SCNN1A: variants seen among roughly 807,000 people sequenced by gnomAD.
SCNN1A encodes epithelial sodium channel subunit alpha.
Under a neutral mutation model 68.6 loss-of-function variants are expected in SCNN1A, and 65 were observed. That is an observed-to-expected ratio of 0.95 (90% CI 0.78 to 1.16). The LOEUF is 1.16. Ranked by LOEUF, SCNN1A falls within the 50% of genes most tolerant of loss-of-function variation. SCNN1A has a pLI of 0.00. For synonymous variants in SCNN1A, 357 were observed against 353.3 expected, an observed-to-expected ratio of 1.01 and a Z score of -0.12; for missense variants, 880 against 865.9, an observed-to-expected ratio of 1.02 and a Z score of -0.20.
At chr12:6,349,828 A>G (rs72657568) in intron 8 of SCNN1A, 2,641 of 192,110 alleles carry the variant, frequency 0.014, 74 homozygotes, top group African/African-American at 0.057. Flanking sequence ...CCGGGTTCAT[A>G]CCATTCTCCT....
chr12:6,375,630 A>G, upstream of SCNN1A: 1 of 1,493,360 alleles, frequency 6.7e-7, no homozygotes, highest in Non-Finnish European at 8.9e-7. Flanking sequence ...AGGAGGAGTC[A>G]GAGCCGGGAG....
At chr12:6,375,605 C>CG, upstream of SCNN1A, 2 of 1,473,922 alleles carry the variant, frequency 1.4e-6, no homozygotes, top group African/African-American at 1.4e-5. Flanking sequence ...GTGAGCAGGG[C>CG]GGGGGGAGGG....
intron 8 of SCNN1A, 117 bp from the exon 9 acceptor site, chr12:6,349,522 AT>A: frequency 2.7e-6 from 2 of 751,452 alleles, no homozygotes; most frequent in Non-Finnish European, 2.4e-6. Context: ...ATTTAGCATT[AT>A]AATGATGCCT....
At chr12:6,350,978 C>T (rs377101980) in intron 8 of SCNN1A, among the ~76,000 whole-genome samples, 1 of 152,176 alleles carries the variant, frequency 6.6e-6, no homozygotes, top group Non-Finnish European at 1.5e-5. Context: ...CGGAAAACAG[C>T]CTGGCAGCTC....
chr12:6,360,889 G>C (rs1380476123), intron 4 of SCNN1A, among the ~76,000 whole-genome samples: 1 of 152,234 alleles, frequency 6.6e-6, no homozygotes, highest in East Asian at 1.9e-4. Context: ...TACCCGAGGG[G>C]TAGTGGGGTG....
At chr12:6,358,738 T>TA (rs1166424899) in intron 4 of SCNN1A, among the ~76,000 whole-genome samples, 1 of 151,856 alleles carries the variant, frequency 6.6e-6, no homozygotes, top group African/African-American at 2.4e-5. Flanking sequence ...CATGAGCCTG[T>TA]AGTCCCAGCT....
At chr12:6,371,640 T>A (rs1592085134) in intron 2 of SCNN1A, among the ~76,000 whole-genome samples, 2 of 151,806 alleles carry the variant, frequency 1.3e-5, no homozygotes, top group South Asian at 4.2e-4. Flanking sequence ...GTTGAGGCAG[T>A]TACTTAACTC....
intron 2 of SCNN1A, among the ~76,000 whole-genome samples, chr12:6,364,611 A>C (rs959431397): frequency 1.3e-5 from 2 of 151,838 alleles, no homozygotes; most frequent in African/African-American, 4.8e-5. Context: ...AAATACAAAA[A>C]ATTAGCCGGG....
chr12:6,354,192 C>T lies in SCNN1A; in HGVS notation c.1360+246G>A, dbSNP rs556951571. Among the ~76,000 whole-genome samples the T allele has an allele frequency of 1.5e-3, 229 of 152,054 alleles. 1 individual carries two copies. Among genetic ancestry groups the T allele is most frequent in the Non-Finnish European group, 2.1e-3 (146 of 67,996 alleles). ...CTTGCAGTGAGCCGAGATCGCGCCA[C>T]TGCTCTCCAGCCTGGGTGACAGAGC... On this transcript the variant is annotated intron_variant, in intron 8 of 12. Coordinates refer to ENST00000228916, the MANE Select transcript of SCNN1A (RefSeq NM_001038.6).
rs1320943351 is a variant in SCNN1A at position 6,372,585 on chromosome 12, T to C, written c.416+1783A>G. ...CCCGCATCCAGCAGAACCTAAGAAC[T>C]GTGCAGGCCTCACCCGATTCACCCC... On this transcript the variant is annotated intron_variant, in intron 2 of 12. Coordinates refer to ENST00000228916, the MANE Select transcript of SCNN1A (RefSeq NM_001038.6). The surrounding 1 kb of genome is among the most constrained non-coding windows in gnomAD (Gnocchi z 5.8). Among the ~76,000 whole-genome samples the C allele has an allele frequency of 6.6e-6, 1 of 152,194 alleles. No individual in the cohort carries two copies. Among genetic ancestry groups the C allele is most frequent in the Non-Finnish European group, 1.5e-5 (1 of 68,038 alleles).
chr12:6,374,762 C>G lies in SCNN1A; in HGVS notation c.22G>C (p.Glu8Gln). 6.2e-7 allele frequency: 1 copy of G among 1,614,088 alleles called. No homozygotes were observed. The highest frequency in any genetic ancestry group is 8.5e-7 in the Non-Finnish European group (1 of 1,180,006). The change falls in exon 2 of 13, where the codon GAG becomes CAG. Residue 8 changes from glutamate (E) to glutamine (Q), a missense_variant. Physicochemically the swap from Glu to Gln is conservative, Grantham distance 29. Coordinates refer to ENST00000228916, the MANE Select transcript of SCNN1A (RefSeq NM_001038.6). This position sits in a 1 kb window ranked among gnomAD's most constrained non-coding sequence, Gnocchi z 6.2. MEGNKLE[E>Q]QDSSPPQSTP... ...GACTGTGGAGGGCTAGAGTCCTGCTCCTCCAGCTTGTTCCCCTCCATGAGA... is the reference window on the plus strand; with the variant it reads ...GACTGTGGAGGGCTAGAGTCCTGCTGCTCCAGCTTGTTCCCCTCCATGAGA...
In SCNN1A at chr12:6,362,179, C is replaced by A. The variant is rs1157445534; in HGVS notation, c.747G>T (p.Arg249Ser). Residue 249 changes from arginine (R) to serine (S), a missense_variant, in exon 4 of 13, where the codon AGG becomes AGT. Transcript: ENST00000228916. Reference sequence around the variant, plus strand: ...TGATGTAGTGGAAGCGGTACCACTCCCTCACCGCATCCACCCCTGATGAGT... The same window carrying A: ...TGATGTAGTGGAAGCGGTACCACTCACTCACCGCATCCACCCCTGATGAGT... ...QTYSSGVDAVREWYRFHYINI... is the reference protein window; with the variant it reads ...QTYSSGVDAVSEWYRFHYINI... 1 of 1,613,992 alleles carries A rather than the reference C, an allele frequency of 6.2e-7. No homozygotes were observed.
At chr12:6,356,238 A>T in intron 4 of SCNN1A, 1 of 345,636 alleles carries the variant, frequency 2.9e-6, no homozygotes, top group Non-Finnish European at 5.6e-6. Context: ...CTGCCTTGTA[A>T]CTTCTCTCTT....
At chr12:6,355,559 A>G in intron 5 of SCNN1A, 124 bp from the exon 6 acceptor site, 9 of 1,251,490 alleles carry the variant, frequency 7.2e-6, no homozygotes, top group Non-Finnish European at 1.0e-5. Context: ...GTTCAGGAAG[A>G]CCCGCAAAGG....
chr12:6,370,091 C>T (rs1565485837), intron 2 of SCNN1A, among the ~76,000 whole-genome samples: 1 of 152,228 alleles, frequency 6.6e-6, no homozygotes, highest in Non-Finnish European at 1.5e-5. Flanking sequence ...ATGCTCACTG[C>T]CCTCACTCCC....
rs549794482 is a variant in SCNN1A at position 6,347,669 on chromosome 12, G to C, written c.*204C>G. ...CAGTACCAAGGGGTACAGGGCTGGA[G>C]CCAAGGCACTTCTGGGCAGCTTCAT... On this transcript the variant is annotated 3_prime_UTR_variant, in exon 13 of 13. Transcript: ENST00000228916. 32 of 624,396 alleles carry C rather than the reference G, an allele frequency of 5.1e-5. No homozygotes were observed. The South Asian group carries it at 5.4e-4, about 11-fold the overall frequency. The allele number at this position is 624,396 out of a possible 1,614,324, so 38.7% of individuals were successfully genotyped here.
chr12:6,350,420 C>T (rs1266151393), intron 8 of SCNN1A, among the ~76,000 whole-genome samples: 4 of 140,720 alleles, frequency 2.8e-5, no homozygotes, highest in African/African-American at 8.1e-5. Flanking sequence ...GGCGACTGAG[C>T]GAGACTCCGT....
At position 6,349,405 on chromosome 12, in the gene SCNN1A, C is replaced by T. The variant is rs72657557; in HGVS notation, c.1361G>A (p.Gly454Glu). 32 of 1,581,730 alleles carry T rather than the reference C, an allele frequency of 2.0e-5. No individual in the cohort carries two copies. Among genetic ancestry groups the T allele is most frequent in the Non-Finnish European group, 2.8e-5 (32 of 1,163,166 alleles). The change falls in exon 9 of 13, where the codon GGG becomes GAG. Residue 454 changes from glycine (G) to glutamate (E), a missense_variant and splice_region_variant. This residue lies in a region of SCNN1A where 758 missense variants were observed against 721.8 expected (regional missense o/e 1.05). Transcript: ENST00000228916. Reference sequence around the variant, plus strand: ...AACCTGGAGCTTATAGTAGCAGTACCCTGTGGGTACAGAGAGATGCCTGTT... The same window carrying T: ...AACCTGGAGCTTATAGTAGCAGTACTCTGTGGGTACAGAGAGATGCCTGTT... ...YCDYRKHSSW[G>E]YCYYKLQVDF...
upstream of SCNN1A, chr12:6,376,065 A>G: frequency 1.0e-6 from 1 of 991,178 alleles, no homozygotes; most frequent in Non-Finnish European, 1.2e-6. Context: ...TGCTTCCAGG[A>G]GCTAGAGGCT....
Sources: gnomAD v4.1 joint callset for allele counts (sites outside exome capture counted in the v4.1 genomes callset) on GRCh38, gnomAD v4.1.1 for gene constraint, gnomAD v4.1.1 regional missense constraint, Gnocchi (gnomAD v3.1) non-coding constraint, MANE v1.5 for transcripts, NCBI Gene and HGNC (gene_info 2026-07-23, HGNC 2026-07-21) for gene names.